The following RARB variants were observed in gnomAD, a reference collection of about 807,000 sequenced individuals.
RARB encodes retinoic acid receptor beta, also known as HBV-activated protein.
Under a neutral mutation model 51.9 loss-of-function variants are expected in RARB, and 17 were observed. The ratio of observed to expected loss-of-function variants is 0.33; its 90% CI spans 0.22 to 0.49. The LOEUF (loss-of-function observed/expected upper bound fraction) is 0.49, where lower values mean the gene tolerates loss of function less well. Among genes scored for constraint, RARB ranks in the 20% least tolerant of loss-of-function variants. The pLI is 0.99. For synonymous variants in RARB, 215 were observed against 195.4 expected, an observed-to-expected ratio of 1.10 and a Z score of -0.84; for missense variants, 369 against 550.8, an observed-to-expected ratio of 0.67 and a Z score of 3.30.
intron 3 of RARB, among the ~76,000 whole-genome samples, chr3:25,533,006 G>A (rs928492415): frequency 6.6e-6 from 1 of 152,136 alleles, no homozygotes; most frequent in African/African-American, 2.4e-5. Flanking sequence ...TATAGCTAAT[G>A]AGCCAGAAGG....
intron 3 of RARB, among the ~76,000 whole-genome samples, chr3:25,078,688 C>T (rs960184934): frequency 6.6e-5 from 10 of 152,168 alleles, no homozygotes; most frequent in East Asian, 5.8e-4. Context: ...TCCGCCACCA[C>T]GCTTGACTAA....
At chr3:24,883,360 GT>G (rs1703208506) in intron 2 of RARB, among the ~76,000 whole-genome samples, 1 of 105,168 alleles carries the variant, frequency 9.5e-6, no homozygotes, top group Non-Finnish European at 1.8e-5. Flanking sequence ...CAATCATTGT[GT>G]GTGTGTGTGT....
At chr3:25,427,778 G>C (rs1285352930), upstream of RARB, among the ~76,000 whole-genome samples, 2 of 152,158 alleles carry the variant, frequency 1.3e-5, no homozygotes, top group African/African-American at 4.8e-5. Context: ...TACAGTTTAG[G>C]GCTTGCATGT....
In RARB at chr3:25,237,154, T is replaced by C. The variant is rs576738672; in HGVS notation, c.178+62579T>C. Among the ~76,000 whole-genome samples the C allele has an allele frequency of 3.9e-5, 6 of 152,112 alleles. No homozygotes were observed. The East Asian group carries it at 1.2e-3, about 29-fold the overall frequency. ...ATAGTTAAAAGCTTTCTTGCATTAATATCTCAAAACAGAGGAATTCCATAT... is the reference window on the plus strand; with the variant it reads ...ATAGTTAAAAGCTTTCTTGCATTAACATCTCAAAACAGAGGAATTCCATAT... On this transcript the variant is annotated intron_variant, in intron 5 of 11. Transcript: ENST00000383772.
intron 1 of RARB, among the ~76,000 whole-genome samples, chr3:25,433,448 T>C (rs1708289857): frequency 6.6e-6 from 1 of 152,202 alleles, no homozygotes; most frequent in Admixed American, 6.5e-5. Flanking sequence ...GATCTGTGAA[T>C]AGAAGGCATT....
intron 5 of RARB, among the ~76,000 whole-genome samples, chr3:25,208,131 T>C (rs1425799042): frequency 6.6e-6 from 1 of 152,150 alleles, no homozygotes; most frequent in Non-Finnish European, 1.5e-5. Context: ...AAACCATTCA[T>C]GAGAAATCTG....
chr3:25,159,000 C>A (rs546170885), intron 4 of RARB, among the ~76,000 whole-genome samples: 1 of 151,826 alleles, frequency 6.6e-6, no homozygotes, highest in African/African-American at 2.4e-5. Flanking sequence ...AGAGCTCGGT[C>A]TTATGCCCCC....
intron 2 of RARB, among the ~76,000 whole-genome samples, chr3:24,939,108 G>A (rs1695605296): frequency 6.6e-6 from 1 of 151,918 alleles, no homozygotes; most frequent in South Asian, 2.1e-4. Context: ...TCAGGCTCCT[G>A]AGTAGCTAGG....
At chr3:24,926,002 A>C (rs1244429395) in intron 2 of RARB, among the ~76,000 whole-genome samples, 1 of 152,124 alleles carries the variant, frequency 6.6e-6, no homozygotes, top group East Asian at 1.9e-4. Flanking sequence ...ACAGAAGCAC[A>C]CAGTAGGTGA....
chr3:25,452,960 A>T (rs1709259615), intron 1 of RARB, among the ~76,000 whole-genome samples: 1 of 152,176 alleles, frequency 6.6e-6, no homozygotes, highest in African/African-American at 2.4e-5. Flanking sequence ...GTGAACGAAG[A>T]CTTCTGGTTT....
chr3:25,214,638 G>A (rs1183315324), intron 5 of RARB, among the ~76,000 whole-genome samples: 2 of 152,126 alleles, frequency 1.3e-5, no homozygotes, highest in Non-Finnish European at 2.9e-5. Context: ...CCCCTGAAGG[G>A]ACTTCAGCAC....
At chr3:25,260,590 T>C (rs1027488418) in intron 5 of RARB, among the ~76,000 whole-genome samples, 2 of 152,078 alleles carry the variant, frequency 1.3e-5, no homozygotes, top group African/African-American at 4.8e-5. Flanking sequence ...TCTTATAAAC[T>C]GCAACCCAAC....
chr3:24,911,104 C>T (rs73137203), intron 2 of RARB, among the ~76,000 whole-genome samples: 1,895 of 152,228 alleles, frequency 0.012, 40 homozygotes, highest in African/African-American at 0.042. Context: ...TGCCTTATTG[C>T]GTTTCATTAT....
At chr3:25,064,730 GA>G (rs1448099967) in intron 3 of RARB, among the ~76,000 whole-genome samples, 1 of 152,124 alleles carries the variant, frequency 6.6e-6, no homozygotes, top group African/African-American at 2.4e-5. Flanking sequence ...GAAAATGACA[GA>G]GCTCTGTGTC....
intron 2 of RARB, among the ~76,000 whole-genome samples, chr3:25,008,686 C>A (rs936350764): frequency 6.6e-6 from 1 of 152,008 alleles, no homozygotes; most frequent in Non-Finnish European, 1.5e-5. Flanking sequence ...TTTTCAAGAC[C>A]TTGTCAGCAA....
At chr3:24,925,192 C>T (rs1362705459) in intron 2 of RARB, among the ~76,000 whole-genome samples, 2 of 152,102 alleles carry the variant, frequency 1.3e-5, no homozygotes, top group Non-Finnish European at 1.5e-5. Context: ...CAAATATTTA[C>T]TAAAGGAAAG....
At chr3:24,838,008 T>C (rs12634914) in intron 1 of RARB, among the ~76,000 whole-genome samples, 57,342 of 152,044 alleles carry the variant, frequency 0.38, 11,782 homozygotes, top group Admixed American at 0.45. Context: ...AACTTTTATG[T>C]AGAGGTTTAA....
intron 1 of RARB, among the ~76,000 whole-genome samples, chr3:24,835,147 G>A (rs1290183009): frequency 6.6e-6 from 1 of 152,112 alleles, no homozygotes. Flanking sequence ...CTACAGCATT[G>A]CTTTTGCCTT....
chr3:24,951,003 G>A (rs542014175), intron 2 of RARB, among the ~76,000 whole-genome samples: 1 of 152,260 alleles, frequency 6.6e-6, no homozygotes, highest in Admixed American at 6.5e-5. Context: ...AGGACTGGGA[G>A]AATTGGAGAC....
Sources: allele counts gnomAD v4.1 joint callset (sites outside exome capture counted in the v4.1 genomes callset), GRCh38; gene constraint gnomAD v4.1.1; transcripts MANE v1.5; gene names NCBI Gene and HGNC (gene_info 2026-07-23, HGNC 2026-07-21).